Variants in GALNTL6 observed in about 807,000 individuals in gnomAD.
GALNTL6 encodes polypeptide N-acetylgalactosaminyltransferase like 6, also known as polypeptide N-acetylgalactosaminyltransferase-like 6.
GALNTL6 carries 46 observed loss-of-function variants against 73.7 expected under a neutral mutation model. The ratio of observed to expected loss-of-function variants is 0.62; its 90% CI spans 0.49 to 0.80. GALNTL6 has a LOEUF of 0.80. Ranked by LOEUF, GALNTL6 falls within the 30% of genes least tolerant of loss-of-function variation. The pLI is 0.00. For missense variants in GALNTL6, 604 were observed against 755.0 expected (o/e 0.80, Z 2.34); for synonymous variants, 259 against 263.7 (o/e 0.98, Z 0.17).
intron 5 of GALNTL6, among the ~76,000 whole-genome samples, chr4:172,410,897 T>C (rs1353080667): frequency 6.6e-6 from 1 of 152,098 alleles, no homozygotes; most frequent in Non-Finnish European, 1.5e-5. Flanking sequence ...AAAATATCTT[T>C]ATTGTTATAT....
chr4:172,830,743 G>A (rs1343205064), intron 7 of GALNTL6, among the ~76,000 whole-genome samples: 1 of 152,176 alleles, frequency 6.6e-6, no homozygotes, highest in Non-Finnish European at 1.5e-5. Context: ...GGAGTGCACT[G>A]TCACTCTCCA....
intron 8 of GALNTL6, among the ~76,000 whole-genome samples, chr4:172,912,423 C>T (rs938547210): frequency 6.6e-6 from 1 of 152,226 alleles, no homozygotes; most frequent in Non-Finnish European, 1.5e-5. Context: ...AGGACATCAC[C>T]TCACCTGGGA....
chr4:172,192,427 C>T (rs550231416), intron 2 of GALNTL6, among the ~76,000 whole-genome samples: 1 of 152,130 alleles, frequency 6.6e-6, no homozygotes, highest in East Asian at 1.9e-4. Flanking sequence ...CAGTGGCTCC[C>T]ACTGAGAAGA....
At chr4:171,921,004 C>T (rs976365554) in intron 2 of GALNTL6, among the ~76,000 whole-genome samples, 1 of 151,980 alleles carries the variant, frequency 6.6e-6, no homozygotes, top group Admixed American at 6.6e-5. Context: ...GTATTTTCAT[C>T]TGTGTCATGT....
chr4:172,048,003 G>A (rs1274520492), intron 2 of GALNTL6, among the ~76,000 whole-genome samples: 1 of 152,120 alleles, frequency 6.6e-6, no homozygotes. Flanking sequence ...TAATAGCAGT[G>A]TTACTAATAA....
intron 2 of GALNTL6, among the ~76,000 whole-genome samples, chr4:172,117,060 T>G (rs1257742857): frequency 6.6e-6 from 1 of 152,160 alleles, no homozygotes; most frequent in East Asian, 1.9e-4. Flanking sequence ...ATTAGTGCAC[T>G]GCCACTAAAC....
At chr4:172,502,149 T>G (rs939597412) in intron 5 of GALNTL6, among the ~76,000 whole-genome samples, 1 of 152,198 alleles carries the variant, frequency 6.6e-6, no homozygotes, top group African/African-American at 2.4e-5. Context: ...TAAAACTATT[T>G]GTATCACAAA....
At position 171,824,077 on chromosome 4, in the gene GALNTL6, T is replaced by TTTTATA. The variant is rs1301842709; in HGVS notation, c.138+9360_138+9361insTTATAT. Among the ~76,000 whole-genome samples, 348 of 129,178 alleles carry TTTTATA rather than the reference T, an allele frequency of 2.7e-3. 2 individuals carry two copies. The highest frequency in any genetic ancestry group is 5.7e-3 in the Admixed American group (75 of 13,228). 84.7% of individuals were successfully genotyped at this position (129,178 alleles called of 152,430 possible). A position where few individuals can be genotyped will look rare whatever the true frequency, so the allele number is the denominator to read the frequency against. On this transcript the variant is annotated intron_variant, in intron 2 of 12. Transcript: ENST00000506823. ...CTTAAGTCCTCAACACAAATCCATTTTATATATATATATATATATATATAT... is the reference window on the plus strand; with the variant it reads ...CTTAAGTCCTCAACACAAATCCATTTTTTATATATATATATATATATATATATATAT...
chr4:172,912,141 C>T (rs919641887), intron 8 of GALNTL6, among the ~76,000 whole-genome samples: 2 of 152,126 alleles, frequency 1.3e-5, no homozygotes, highest in Admixed American at 1.3e-4. Context: ...AATAAAACAC[C>T]TCTTCATATA....
At chr4:172,801,636 C>G (rs1053139807) in intron 5 of GALNTL6, among the ~76,000 whole-genome samples, 1 of 152,186 alleles carries the variant, frequency 6.6e-6, no homozygotes, top group East Asian at 1.9e-4. Context: ...GTTTACTACT[C>G]CATAAGGGGC....
At chr4:172,655,510 A>G (rs569823980) in intron 5 of GALNTL6, among the ~76,000 whole-genome samples, 4 of 152,286 alleles carry the variant, frequency 2.6e-5, no homozygotes, top group African/African-American at 9.6e-5. Context: ...TTCATTTTAT[A>G]GATGAGGCTT....
At chr4:172,374,148 T>C (rs1742936284) in intron 5 of GALNTL6, among the ~76,000 whole-genome samples, 1 of 152,234 alleles carries the variant, frequency 6.6e-6, no homozygotes, top group Non-Finnish European at 1.5e-5. Context: ...CAATCTTTTT[T>C]AAAGTGTCCT....
intron 2 of GALNTL6, among the ~76,000 whole-genome samples, chr4:171,924,530 C>T (rs1737914946): frequency 6.6e-6 from 1 of 152,080 alleles, no homozygotes; most frequent in Non-Finnish European, 1.5e-5. Context: ...GACTTTTGGG[C>T]CACACAGCAA....
At chr4:173,019,484 C>A (rs760731239) in intron 11 of GALNTL6, among the ~76,000 whole-genome samples, 2 of 152,154 alleles carry the variant, frequency 1.3e-5, no homozygotes, top group Non-Finnish European at 2.9e-5. Context: ...GCTTCAAAAT[C>A]CAAGAGAGCA....
intron 5 of GALNTL6, among the ~76,000 whole-genome samples, chr4:172,398,311 G>C (rs1743921055): frequency 6.6e-6 from 1 of 152,134 alleles, no homozygotes; most frequent in African/African-American, 2.4e-5. Context: ...AAAATGAGCT[G>C]TCAAAATAAG....
chr4:173,022,086 GGAAA>G (rs1349654339), intron 12 of GALNTL6, among the ~76,000 whole-genome samples: 256 of 56,836 alleles, frequency 4.5e-3, no homozygotes, highest in African/African-American at 0.014. Flanking sequence ...AAGGAAGGAA[GGAAA>G]GAAGGAAGGA....
chr4:172,465,538 G>A (rs1732782318), intron 5 of GALNTL6, among the ~76,000 whole-genome samples: 1 of 152,048 alleles, frequency 6.6e-6, no homozygotes, highest in East Asian at 1.9e-4. Flanking sequence ...TTAATTGTGA[G>A]ATTTTTTAAA....
intron 5 of GALNTL6, among the ~76,000 whole-genome samples, chr4:172,395,978 T>G (rs935696040): frequency 2.0e-5 from 3 of 152,120 alleles, no homozygotes; most frequent in Non-Finnish European, 2.9e-5. Context: ...TAAATCAACG[T>G]GTACAGAAGC....
intron 2 of GALNTL6, among the ~76,000 whole-genome samples, chr4:172,150,237 T>C (rs1312132630): frequency 6.6e-6 from 1 of 152,232 alleles, no homozygotes; most frequent in Non-Finnish European, 1.5e-5. Context: ...GCATACTCAA[T>C]GTCTGCTATA....
Sources: gnomAD v4.1 joint callset for allele counts (sites outside exome capture counted in the v4.1 genomes callset) on GRCh38, gnomAD v4.1.1 for gene constraint, MANE v1.5 for transcripts, NCBI Gene and HGNC (gene_info 2026-07-23, HGNC 2026-07-21) for gene names.